The following GRID2 variants were observed in gnomAD, a reference collection of about 807,000 sequenced individuals.
The protein encoded by GRID2 is glutamate ionotropic receptor delta type subunit 2, also known as glutamate receptor ionotropic, delta-2.
A neutral mutation model predicts 114.8 loss-of-function variants in GRID2; 33 were observed. That is an observed-to-expected ratio of 0.29 (90% CI 0.22 to 0.38). The LOEUF is 0.38. Ranked by LOEUF, GRID2 falls within the 10% of genes least tolerant of loss-of-function variation. GRID2 has a pLI of 1.00. For missense variants in GRID2, 1,184 were observed against 1,257.7 expected, an observed-to-expected ratio of 0.94 and a Z score of 0.89; for synonymous variants, 505 against 449.9, an observed-to-expected ratio of 1.12 and a Z score of -1.55.
rs149703593 is a variant in GRID2 at position 92,828,835 on chromosome 4, T to G, written c.244+238549T>G. On this transcript the variant is annotated intron_variant, in intron 2 of 15. Coordinates refer to ENST00000282020, the MANE Select transcript of GRID2 (RefSeq NM_001510.4). The stretch of plus-strand genomic sequence containing the variant: ...GAAGGCAAACAAGTGTCTGTACATA[T>G]TCTTCACCCACTTTTTGATGGAGTT... 4.2e-3 allele frequency among the ~76,000 whole-genome samples: 644 copies of G among 152,294 alleles called. 3 individuals carry two copies. The highest frequency in any genetic ancestry group is 0.015 in the African/African-American group (626 of 41,580).
rs528404949 is a variant in GRID2 at position 92,915,116 on chromosome 4, AG to A, written c.245-169874del. Among the ~76,000 whole-genome samples, 19 of 152,238 alleles carry A rather than the reference AG, an allele frequency of 1.2e-4. No individual in the cohort carries two copies. In the South Asian group the frequency reaches 3.3e-3, roughly 27 times the overall value. ...GGCAGGAAGGAGTAGTGCTGAGCGA[AG>A]GGGGAAGAGTCCCTTATTAAACCAT... On this transcript the variant is annotated intron_variant, in intron 2 of 15. Transcript: ENST00000282020.
chr4:93,260,603 C>G (rs1310888706), intron 8 of GRID2, among the ~76,000 whole-genome samples: 1 of 151,680 alleles, frequency 6.6e-6, no homozygotes, highest in South Asian at 2.1e-4. Context: ...GACATTTGGT[C>G]TTTGCAAAAC....
At chr4:92,336,668 C>G (rs1033722312) in intron 1 of GRID2, among the ~76,000 whole-genome samples, 1 of 152,144 alleles carries the variant, frequency 6.6e-6, no homozygotes, top group Non-Finnish European at 1.5e-5. Context: ...TACTATTTGG[C>G]CTCCATGGGT....
At chr4:92,984,348 C>T (rs780918787) in intron 2 of GRID2, among the ~76,000 whole-genome samples, 17 of 152,202 alleles carry the variant, frequency 1.1e-4, no homozygotes, top group Non-Finnish European at 2.1e-4. Context: ...TGAATTATTA[C>T]CTCAAGAAGA....
At chr4:93,130,164 G>A (rs932108970) in intron 4 of GRID2, among the ~76,000 whole-genome samples, 1 of 152,208 alleles carries the variant, frequency 6.6e-6, no homozygotes, top group African/African-American at 2.4e-5. Context: ...TAAAAGATCG[G>A]TGTGGTGGCT....
At chr4:93,688,325 C>T (rs1420464792) in intron 14 of GRID2, among the ~76,000 whole-genome samples, 1 of 151,816 alleles carries the variant, frequency 6.6e-6, no homozygotes, top group African/African-American at 2.4e-5. Flanking sequence ...TTTTCTTCTA[C>T]TTGTTCCTGT....
intron 1 of GRID2, among the ~76,000 whole-genome samples, chr4:93,790,136 C>T (rs929706376): frequency 1.3e-5 from 2 of 149,952 alleles, no homozygotes; most frequent in South Asian, 2.1e-4. Flanking sequence ...CGTGCCCATC[C>T]GTGGAGGAAA....
chr4:92,380,370 G>T (rs1336129588), intron 1 of GRID2, among the ~76,000 whole-genome samples: 1 of 151,774 alleles, frequency 6.6e-6, no homozygotes, highest in Non-Finnish European at 1.5e-5. Context: ...TCAAAAAAAA[G>T]TTATTTAGCT....
chr4:92,940,863 A>G (rs1221606816), intron 2 of GRID2, among the ~76,000 whole-genome samples: 1 of 152,132 alleles, frequency 6.6e-6, no homozygotes, highest in Non-Finnish European at 1.5e-5. Context: ...TATATGCTGG[A>G]TTACATTTAT....
intron 2 of GRID2, among the ~76,000 whole-genome samples, chr4:93,062,346 G>A (rs1262660253): frequency 6.6e-6 from 1 of 152,094 alleles, no homozygotes; most frequent in Non-Finnish European, 1.5e-5. Flanking sequence ...GAATGAGGAA[G>A]AAGAGGAAGA....
At chr4:93,679,159 C>G (rs1206553908) in intron 14 of GRID2, among the ~76,000 whole-genome samples, 2 of 150,974 alleles carry the variant, frequency 1.3e-5, no homozygotes, top group Non-Finnish European at 2.9e-5. Flanking sequence ...TTTAAACCAA[C>G]AAAAATCAAA....
intron 8 of GRID2, among the ~76,000 whole-genome samples, chr4:93,364,080 A>G (rs1305258253): frequency 6.6e-6 from 1 of 152,058 alleles, no homozygotes; most frequent in African/African-American, 2.4e-5. Context: ...TTTTCTCATG[A>G]ATAACAATTT....
chr4:93,037,801 C>T (rs1298049417), intron 2 of GRID2, among the ~76,000 whole-genome samples: 1 of 152,092 alleles, frequency 6.6e-6, no homozygotes. Context: ...TGGTCTATAT[C>T]TGTTTTGGTA....
chr4:92,648,741 T>A (rs1050987386), intron 2 of GRID2, among the ~76,000 whole-genome samples: 11 of 149,204 alleles, frequency 7.4e-5, no homozygotes, highest in East Asian at 2.0e-4. Flanking sequence ...CATTTTAGTA[T>A]GATTTAGAGT....
At chr4:93,101,840 AG>A (rs1455746687) in intron 3 of GRID2, among the ~76,000 whole-genome samples, 18 of 152,134 alleles carry the variant, frequency 1.2e-4, no homozygotes, top group Admixed American at 1.0e-3. Context: ...AGAATGTTAT[AG>A]ACATCAACTT....
At chr4:93,210,428 G>C (rs998616816) in intron 5 of GRID2, among the ~76,000 whole-genome samples, 3 of 152,042 alleles carry the variant, frequency 2.0e-5, no homozygotes, top group Non-Finnish European at 2.9e-5. Flanking sequence ...TGGGCAATCT[G>C]TTCTGCTGCA....
intron 4 of GRID2, among the ~76,000 whole-genome samples, chr4:93,128,031 A>AAAAAAAAAAAC (rs1734439620): frequency 7.7e-6 from 1 of 129,636 alleles, no homozygotes; most frequent in African/African-American, 3.2e-5. Flanking sequence ...CCGCAACAAA[A>AAAAAAAAAAAC]AAAAAAAAAA....
chr4:93,342,199 A>G (rs1023270940), intron 8 of GRID2, among the ~76,000 whole-genome samples: 5 of 152,180 alleles, frequency 3.3e-5, no homozygotes, highest in Admixed American at 6.5e-5. Flanking sequence ...TGTAAGTCCA[A>G]CACCTATAAG....
At chr4:93,323,668 C>A (rs545740404) in intron 8 of GRID2, among the ~76,000 whole-genome samples, 189 of 152,186 alleles carry the variant, frequency 1.2e-3, no homozygotes, top group African/African-American at 4.2e-3. Context: ...ATTGATTCTT[C>A]GTGTCCATGA....
Sources: allele counts gnomAD v4.1 joint callset (sites outside exome capture counted in the v4.1 genomes callset), GRCh38; gene constraint gnomAD v4.1.1; transcripts MANE v1.5; gene names NCBI Gene and HGNC (gene_info 2026-07-23, HGNC 2026-07-21).